TRAP1: variants seen among roughly 807,000 people sequenced by gnomAD.
The protein encoded by TRAP1 is TNF receptor associated protein 1, also known as heat shock protein 75 kDa, mitochondrial.
In TRAP1, 102 loss-of-function variants were observed where a neutral mutation model predicts 89.1. That is an observed-to-expected ratio of 1.15 (90% CI 0.98 to 1.35). The LOEUF is 1.35. Among genes scored for constraint, TRAP1 ranks in the 40% most tolerant of loss-of-function variants. The pLI is 0.00. For missense variants in TRAP1, 1,256 were observed against 945.3 expected, an observed-to-expected ratio of 1.33 and a Z score of -4.31; for synonymous variants, 508 against 388.0, an observed-to-expected ratio of 1.31 and a Z score of -3.64.
At chr16:3,710,723 C>G (rs952993983) in intron 1 of TRAP1, among the ~76,000 whole-genome samples, 1 of 152,012 alleles carries the variant, frequency 6.6e-6, no homozygotes, top group Non-Finnish European at 1.5e-5. Context: ...ATCACTAACC[C>G]GACACACATA....
chr16:3,685,715 A>G (rs907217427), intron 4 of TRAP1, among the ~76,000 whole-genome samples: 5 of 152,222 alleles, frequency 3.3e-5, no homozygotes, highest in African/African-American at 7.2e-5. Context: ...ATATGTTAAT[A>G]CCTGCATATA....
At position 3,702,572 on chromosome 16, in the gene TRAP1, G is replaced by A. The variant is rs1023412838; in HGVS notation, c.89-11587C>T. On this transcript the variant is annotated intron_variant, in intron 1 of 17. Transcript: ENST00000246957. ...AGCATGGGCAAACTGGTGAAACCCC[G>A]TCCCTACCAAAAATACAAAAACTTA... is the stretch of plus-strand genomic sequence containing the variant. 2.6e-5 allele frequency among the ~76,000 whole-genome samples: 4 copies of A among 150,970 alleles called. 1 individual carries two copies. Among genetic ancestry groups the A allele is most frequent in the African/African-American group, 7.4e-5 (3 of 40,728 alleles).
At chr16:3,710,847 A>ATG (rs989482091) in intron 1 of TRAP1, among the ~76,000 whole-genome samples, 504 of 140,408 alleles carry the variant, frequency 3.6e-3, no homozygotes, top group African/African-American at 0.012. Context: ...TTTCTTTTAT[A>ATG]TGTGTGTGTG....
chr16:3,663,320 C>G (rs1195063518), intron 14 of TRAP1, 104 bp downstream of exon 14: 5 of 1,494,216 alleles, frequency 3.3e-6, no homozygotes, highest in Non-Finnish European at 4.5e-6. Context: ...GTGGCTGAGC[C>G]CAGGTCAACT....
intron 4 of TRAP1, among the ~76,000 whole-genome samples, chr16:3,681,757 A>T (rs1408402961): frequency 6.6e-6 from 1 of 152,192 alleles, no homozygotes; most frequent in Non-Finnish European, 1.5e-5. Context: ...AAAAAATGCA[A>T]CTAATAGCTC....
chr16:3,708,051 G>A (rs1338595261), intron 1 of TRAP1, among the ~76,000 whole-genome samples: 1 of 152,036 alleles, frequency 6.6e-6, no homozygotes. Context: ...GCCAGGCATG[G>A]TGGCACATGC....
Position 3,698,305 on chromosome 16 carries a change from C to T in TRAP1, c.89-7320G>A, listed in dbSNP as rs1303329081. Among the ~76,000 whole-genome samples the T allele has an allele frequency of 2.6e-5, 4 of 151,396 alleles. No homozygotes were observed. The East Asian group carries it at 7.8e-4, about 30-fold the overall frequency. On this transcript the variant is annotated intron_variant, in intron 1 of 17. Coordinates refer to ENST00000246957, the MANE Select transcript of TRAP1 (RefSeq NM_016292.3). ...CAGATTTGATTTCAGGTTATGTAAA[C>T]TTTCCACAACAACTTTTTTTTTTTT...
At chr16:3,663,669 G>A in intron 13 of TRAP1, 107 bp from the exon 14 acceptor site, 1 of 1,404,498 alleles carries the variant, frequency 7.1e-7, no homozygotes, top group East Asian at 2.4e-5. Flanking sequence ...GGGCCACACT[G>A]GGGAACACCG....
intron 9 of TRAP1, among the ~76,000 whole-genome samples, chr16:3,673,173 C>A (rs796995065): frequency 4.6e-5 from 7 of 152,236 alleles, no homozygotes; most frequent in African/African-American, 1.7e-4. Flanking sequence ...CTGCCTACCT[C>A]TGTGTAGCCT....
chr16:3,710,320 C>T (rs2051511486), intron 1 of TRAP1: 3 of 152,186 alleles, frequency 2.0e-5, no homozygotes, highest in Admixed American at 6.5e-5. Flanking sequence ...AAGGAGAGAA[C>T]AGGGCTCCAG....
chr16:3,690,173 A>C (rs754516768), intron 2 of TRAP1, among the ~76,000 whole-genome samples: 4 of 152,066 alleles, frequency 2.6e-5, no homozygotes, highest in Non-Finnish European at 5.9e-5. Context: ...TGCCTGGCTA[A>C]CTTTTTAATT....
At chr16:3,667,624 C>T (rs2050853656) in intron 11 of TRAP1, among the ~76,000 whole-genome samples, 1 of 146,296 alleles carries the variant, frequency 6.8e-6, no homozygotes, top group Non-Finnish European at 1.5e-5. Flanking sequence ...GACTCCATCT[C>T]AAAAATAAAT....
chr16:3,687,153 A>C (rs993949260), intron 3 of TRAP1: 3 of 152,136 alleles, frequency 2.0e-5, no homozygotes, highest in African/African-American at 7.2e-5. Flanking sequence ...GTGGGAGATA[A>C]GTGAATCATG....
At chr16:3,663,291 C>T in intron 14 of TRAP1, 133 bp downstream of exon 14, 1 of 1,241,136 alleles carries the variant, frequency 8.1e-7, no homozygotes, top group Non-Finnish European at 1.1e-6. Flanking sequence ...AGGGTGCTCC[C>T]ACAAGGCTCT....
rs778020396 is a variant in TRAP1 at position 3,690,855 on chromosome 16, C to T, written c.219G>A (p.Ser73=). 23 of 1,555,434 alleles carry T rather than the reference C, an allele frequency of 1.5e-5. No individual in the cohort carries two copies. In the Admixed American group the frequency reaches 2.1e-4, roughly 14 times the overall value. The change falls in exon 2 of 18, where the codon TCG becomes TCA. Residue 73 remains serine (S), a synonymous_variant. Transcript: ENST00000246957. ...TAEDKEEPLH[S]IISSTESVQG... ...GCACGCTCTCTGTGCTGCTGATAAT[C>T]GAGTGCAGGGGTTCCTCCTTGTCCT...
At position 3,658,120 on chromosome 16, in the gene TRAP1, C is replaced by T. The variant is rs373990579; in HGVS notation, c.*9G>A. Reference sequence around the variant, plus strand: ...ATCTGTGGTGTCAGTCCTTCTGGCCCCCTGGCTGTCAGTGTCGCTCCAGGG... The same window carrying T: ...ATCTGTGGTGTCAGTCCTTCTGGCCTCCTGGCTGTCAGTGTCGCTCCAGGG... On this transcript the variant is annotated 3_prime_UTR_variant, in exon 18 of 18. Transcript: ENST00000246957. 2.2e-5 allele frequency: 36 copies of T among 1,613,660 alleles called. No individual in the cohort carries two copies. In the African/African-American group the frequency reaches 4.4e-4, roughly 20 times the overall value.
At chr16:3,666,159 T>C in intron 11 of TRAP1, 41 bp from the exon 12 acceptor site, 1 of 1,582,308 alleles carries the variant, frequency 6.3e-7, no homozygotes, top group Non-Finnish European at 8.6e-7. Flanking sequence ...AAGCAGCCTC[T>C]ATGAAATACA....
chr16:3,713,930 A>G (rs2051564242), intron 1 of TRAP1, among the ~76,000 whole-genome samples: 1 of 152,208 alleles, frequency 6.6e-6, no homozygotes, highest in Admixed American at 6.5e-5. Context: ...TGAGGCTCCT[A>G]CGCACAAGCT....
chr16:3,679,768 T>C lies in TRAP1; in HGVS notation c.494A>G (p.Gln165Arg), dbSNP rs760945395. 3 of 1,613,992 alleles carry C rather than the reference T, an allele frequency of 1.9e-6. No individual in the cohort carries two copies. Among genetic ancestry groups the C allele is most frequent in the Admixed American group, 1.7e-5 (1 of 60,012 alleles). The change falls in exon 5 of 18, where the codon CAG (glutamine) becomes CGG (arginine). Residue 165 changes from glutamine (Q) to arginine (R), a missense_variant. By Grantham distance (43) the Gln-to-Arg change is conservative. Coordinates refer to ENST00000246957, the MANE Select transcript of TRAP1 (RefSeq NM_016292.3). ...CCCCAGGTTGGACACCAGCTCTTCC[T>C]GTGTCATCCCGATACCAGTATCCTG... ...TIQDTGIGMT[Q>R]EELVSNLGTI...
Sources: gnomAD v4.1 joint callset for allele counts (sites outside exome capture counted in the v4.1 genomes callset) on GRCh38, gnomAD v4.1.1 for gene constraint, MANE v1.5 for transcripts, NCBI Gene and HGNC (gene_info 2026-07-23, HGNC 2026-07-21) for gene names.